Variants in PI4KA observed in about 807,000 individuals in gnomAD.
PI4KA encodes the protein phosphatidylinositol 4-kinase alpha.
Under a neutral mutation model 271.4 loss-of-function variants are expected in PI4KA, and 122 were observed. That is an observed-to-expected ratio of 0.45 (90% CI 0.39 to 0.52). PI4KA has a LOEUF of 0.52. Ranked by LOEUF, PI4KA falls within the 20% of genes least tolerant of loss-of-function variation. PI4KA has a pLI of 0.00. For synonymous variants in PI4KA, 1,041 were observed against 1,078.8 expected, an observed-to-expected ratio of 0.96 and a Z score of 0.69; for missense variants, 1,969 against 2,769.1, an observed-to-expected ratio of 0.71 and a Z score of 6.48.
chr22:20,842,193 A>C (rs925345012), intron 1 of PI4KA, among the ~76,000 whole-genome samples: 1 of 151,682 alleles, frequency 6.6e-6, no homozygotes. Context: ...GCGCCACTGC[A>C]CTCCAGCCTG....
At chr22:20,772,465 G>A (rs1052576852) in intron 19 of PI4KA, among the ~76,000 whole-genome samples, 29 of 152,236 alleles carry the variant, frequency 1.9e-4, no homozygotes, top group African/African-American at 7.0e-4. Flanking sequence ...AGTATTGTAT[G>A]TGACAGATGA....
chr22:20,752,753 C>T (rs1407524056), intron 25 of PI4KA, 150 bp downstream of exon 25: 1 of 772,220 alleles, frequency 1.3e-6, no homozygotes. Context: ...AACTCACAGA[C>T]ATTGGAGGGA....
intron 8 of PI4KA, among the ~76,000 whole-genome samples, chr22:20,812,798 C>T (rs768798691): frequency 1.3e-5 from 2 of 152,124 alleles, no homozygotes; most frequent in African/African-American, 2.4e-5. Flanking sequence ...TCAAGTGATC[C>T]GCCCACTTTG....
chr22:20,740,312 C>T (rs1281994711), intron 32 of PI4KA, among the ~76,000 whole-genome samples: 1 of 150,170 alleles, frequency 6.7e-6, no homozygotes, highest in Admixed American at 6.6e-5. Context: ...CCCTGAAAAA[C>T]TGAAAAAGAC....
chr22:20,724,948 C>T (rs989767559), intron 42 of PI4KA, among the ~76,000 whole-genome samples: 48 of 152,218 alleles, frequency 3.2e-4, no homozygotes, highest in African/African-American at 1.2e-3. Flanking sequence ...GTGAAGGCTC[C>T]GGCTTGGTGA....
rs1343346447 is a variant in PI4KA, at chr22:20,819,728, G to A, written c.702C>T (p.Phe234=). The change falls in exon 6 of 55, where the codon TTC becomes TTT. Residue 234 remains phenylalanine (F), a synonymous_variant. Transcript: ENST00000255882. The part of the protein sequence containing the change: ...EGVRRRSFND[F]RSILPSNLLT... ...GCAGATTGCTGGGGAGGATGGAGCGGAAGTCATTAAAGGAACGCCTTCGAA... is the reference window on the plus strand; with the variant it reads ...GCAGATTGCTGGGGAGGATGGAGCGAAAGTCATTAAAGGAACGCCTTCGAA... The A allele has an allele frequency of 6.2e-7, 1 of 1,614,064 alleles. No homozygotes were observed. The highest frequency in any genetic ancestry group is 1.1e-5 in the South Asian group (1 of 91,072).
chr22:20,713,338 G>A lies in PI4KA; in HGVS notation c.5514C>T (p.Asp1838=), dbSNP rs761427349. ...CTGCCTGCCAGGAGATCTTCTGGCCGTCGGCCTCCTGCGTGCTGCACTCAT... is the reference window on the plus strand; with the variant it reads ...CTGCCTGCCAGGAGATCTTCTGGCCATCGGCCTCCTGCGTGCTGCACTCAT... ...SEDECSTQEA[D]GQKISWQAAI... Residue 1838 remains aspartate, a synonymous_variant, in exon 48 of 55, where the codon GAC becomes GAT. Transcript: ENST00000255882. The A allele has an allele frequency of 8.8e-6, 14 of 1,599,532 alleles. No homozygotes were observed. Among genetic ancestry groups the A allele is most frequent in the South Asian group, 5.6e-5 (5 of 88,904 alleles).
chr22:20,790,676 A>G (rs1422773266), intron 19 of PI4KA, among the ~76,000 whole-genome samples: 1 of 146,244 alleles, frequency 6.8e-6, no homozygotes, highest in East Asian at 2.0e-4. Context: ...TAAAAATAAA[A>G]ATAAAAAAAT....
At chr22:20,839,815 G>C (rs1479076214) in intron 1 of PI4KA, among the ~76,000 whole-genome samples, 1 of 142,826 alleles carries the variant, frequency 7.0e-6, no homozygotes, top group Admixed American at 7.2e-5. Flanking sequence ...CTGGGCGACA[G>C]AGCAAGACTC....
At chr22:20,750,104 T>C in intron 27 of PI4KA, 110 bp from the exon 28 acceptor site, 1 of 715,444 alleles carries the variant, frequency 1.4e-6, no homozygotes, top group Admixed American at 2.1e-5. Context: ...TGCTGCGCCT[T>C]AACTGGTACC....
chr22:20,717,073 G>A (rs1926091672), intron 45 of PI4KA, among the ~76,000 whole-genome samples: 1 of 152,160 alleles, frequency 6.6e-6, no homozygotes, highest in South Asian at 2.1e-4. Context: ...GTGAAACTCT[G>A]ACTCCACTAA....
At chr22:20,802,192 C>A in intron 13 of PI4KA, 87 bp from the exon 14 acceptor site, 1 of 1,229,140 alleles carries the variant, frequency 8.1e-7, no homozygotes, top group Non-Finnish European at 1.2e-6. Context: ...AGATAATATG[C>A]TGATCATTTA....
chr22:20,856,621 A>G (rs1471550191), intron 1 of PI4KA, among the ~76,000 whole-genome samples: 3 of 151,972 alleles, frequency 2.0e-5, no homozygotes, highest in African/African-American at 7.2e-5. Context: ...TTTAGCAGAG[A>G]CAGGGTTTCA....
At chr22:20,805,976 A>G (rs1019223450) in intron 10 of PI4KA, among the ~76,000 whole-genome samples, 2 of 152,122 alleles carry the variant, frequency 1.3e-5, no homozygotes, top group African/African-American at 2.4e-5. Context: ...AGGGCCTGGA[A>G]AATTCAGGAG....
chr22:20,839,937 G>C (rs1022261133), intron 1 of PI4KA, among the ~76,000 whole-genome samples: 2 of 152,328 alleles, frequency 1.3e-5, no homozygotes, highest in African/African-American at 2.4e-5. Context: ...ATAGTGGCTA[G>C]TGGAAGGCAA....
In PI4KA at chr22:20,840,610, C is replaced by T. The variant is rs866493281; in HGVS notation, c.157-1879G>A. Among the ~76,000 whole-genome samples the T allele has an allele frequency of 4.6e-5, 7 of 152,210 alleles. No individual in the cohort carries two copies. The Middle Eastern group carries it at 0.01, about 222-fold the overall frequency. ...AAGATGTTAGCATGGTAGCAATCAA[C>T]GAGTAGAGACAGAAACAGACCAGTT... On this transcript the variant is annotated intron_variant, in intron 1 of 54. Coordinates refer to ENST00000255882, the MANE Select transcript of PI4KA (RefSeq NM_058004.4).
chr22:20,858,612 C>A lies in PI4KA; in HGVS notation c.114G>T (p.Leu38=). 1 of 1,482,856 alleles carries A rather than the reference C, an allele frequency of 6.7e-7. No individual in the cohort carries two copies. The highest frequency in any genetic ancestry group is 8.9e-7 in the Non-Finnish European group (1 of 1,122,142). The allele number at this position is 1,482,856 out of a possible 1,614,324, so 91.9% of individuals were successfully genotyped here. ...RGFYFNTVLS[L]ARSLAVQRPA... ...GTCTCTGCACCGCCAGGGAGCGGGC[C>A]AGTGACAGGACCGTGTTGAAATAGA... Residue 38 remains leucine, a synonymous_variant, in exon 1 of 55, where the codon CTG becomes CTT. Transcript: ENST00000255882.
In PI4KA at chr22:20,835,694, T is replaced by C. The variant is rs4822571; in HGVS notation, c.274-1039A>G. Among the ~76,000 whole-genome samples, 357 of 151,988 alleles carry C rather than the reference T, an allele frequency of 2.3e-3. 5 individuals carry two copies. The highest frequency in any genetic ancestry group is 0.023 in the Admixed American group (344 of 15,246). On this transcript the variant is annotated intron_variant, in intron 2 of 54. Coordinates refer to ENST00000255882, the MANE Select transcript of PI4KA (RefSeq NM_058004.4). ...CTGCAGTAAGTCAAGATTGTGCCACTGCACTCCAGCCTGCGCAAGAGAGTG... is the reference window on the plus strand; with the variant it reads ...CTGCAGTAAGTCAAGATTGTGCCACCGCACTCCAGCCTGCGCAAGAGAGTG...
At position 20,713,038 on chromosome 22, in the gene PI4KA, G is replaced by A. The variant is rs1175488237; in HGVS notation, c.5572-241C>T. The A allele has an allele frequency of 9.6e-6, 6 of 628,130 alleles. No individual in the cohort carries two copies. In the East Asian group the frequency reaches 1.4e-4, roughly 14 times the overall value. The allele number at this position is 628,130 out of a possible 1,614,324, so 38.9% of individuals were successfully genotyped here. A position where few individuals can be genotyped will look rare whatever the true frequency, so the allele number is the denominator to read the frequency against. ...CTGTCTGGTGGGGTGTGTGAGATAA[G>A]GCACCCAACCCCTGGACAGTTCCCT... On this transcript the variant is annotated intron_variant, in intron 48 of 54. Coordinates refer to ENST00000255882, the MANE Select transcript of PI4KA (RefSeq NM_058004.4).
Sources: gnomAD v4.1 joint callset for allele counts (sites outside exome capture counted in the v4.1 genomes callset) on GRCh38, gnomAD v4.1.1 for gene constraint, MANE v1.5 for transcripts, NCBI Gene and HGNC (gene_info 2026-07-23, HGNC 2026-07-21) for gene names.